Variants in PHF14 observed in about 807,000 individuals in gnomAD.
PHF14 encodes PHD finger protein 14.
A neutral mutation model predicts 117.9 loss-of-function variants in PHF14; 55 were observed. The observed-to-expected ratio is 0.47, with a 90% CI of 0.38 to 0.58. The LOEUF is 0.58. PHF14 is among the 20% of genes least tolerant of loss of function. PHF14 has a pLI of 0.00. For synonymous variants in PHF14, 409 were observed against 368.6 expected (o/e 1.11, Z -1.26); for missense variants, 978 against 1,122.2 (o/e 0.87, Z 1.84).
intron 4 of PHF14, among the ~76,000 whole-genome samples, chr7:10,994,574 C>G (rs1782566740): frequency 6.6e-6 from 1 of 152,116 alleles, no homozygotes; most frequent in African/African-American, 2.4e-5. Flanking sequence ...TGGGGTCTTG[C>G]AGATTCCGGT....
At chr7:11,146,951 A>C (rs548876215) in intron 17 of PHF14, among the ~76,000 whole-genome samples, 138 of 151,960 alleles carry the variant, frequency 9.1e-4, no homozygotes, top group African/African-American at 3.1e-3. Context: ...GGCTCAAGCA[A>C]CTCTCCCTTC....
At chr7:10,996,468 C>G (rs1329155770) in intron 4 of PHF14, among the ~76,000 whole-genome samples, 1 of 150,848 alleles carries the variant, frequency 6.6e-6, no homozygotes, top group Admixed American at 6.6e-5. Flanking sequence ...GGTGATGACC[C>G]AGAGAAAACT....
At chr7:11,096,325 T>C (rs967730021) in intron 16 of PHF14, among the ~76,000 whole-genome samples, 2 of 152,200 alleles carry the variant, frequency 1.3e-5, no homozygotes, top group Non-Finnish European at 2.9e-5. Context: ...TATCCTAAAG[T>C]TTTTGAATGC....
intron 17 of PHF14, among the ~76,000 whole-genome samples, chr7:11,151,645 T>A (rs901965777): frequency 3.3e-5 from 5 of 152,172 alleles, no homozygotes; most frequent in Admixed American, 2.0e-4. Flanking sequence ...TTAATAGTAT[T>A]CTGAGATTTT....
chr7:11,169,017 A>G (rs1372806628), intron 17 of PHF14, among the ~76,000 whole-genome samples: 3 of 151,776 alleles, frequency 2.0e-5, no homozygotes, highest in Non-Finnish European at 2.9e-5. Flanking sequence ...AAATTGGCAC[A>G]CCTGTCAAGA....
intron 16 of PHF14, among the ~76,000 whole-genome samples, chr7:11,099,751 T>G (rs1787017287): frequency 1.3e-5 from 2 of 152,130 alleles, no homozygotes; most frequent in African/African-American, 4.8e-5. Context: ...GACATTAACT[T>G]CATTTTTTCT....
At chr7:11,105,905 T>G in intron 16 of PHF14, 2 of 982,058 alleles carry the variant, frequency 2.0e-6, no homozygotes, top group Non-Finnish European at 2.4e-6. Context: ...CACTATTGAT[T>G]AGAGCATAAT....
At chr7:10,990,473 G>A (rs999342068) in intron 3 of PHF14, among the ~76,000 whole-genome samples, 1 of 152,124 alleles carries the variant, frequency 6.6e-6, no homozygotes, top group African/African-American at 2.4e-5. Flanking sequence ...TACGAAGCTT[G>A]CAGAGAAGTG....
At chr7:11,099,498 A>C (rs1033775238) in intron 16 of PHF14, among the ~76,000 whole-genome samples, 4 of 152,054 alleles carry the variant, frequency 2.6e-5, no homozygotes, top group African/African-American at 9.7e-5. Context: ...AATTTCAAGC[A>C]CCTACAGCAG....
At chr7:10,991,759 A>ATTTTTTTTTTTTTT (rs71023881) in intron 4 of PHF14, among the ~76,000 whole-genome samples, 1 of 111,044 alleles carries the variant, frequency 9.0e-6, no homozygotes, top group Non-Finnish European at 1.7e-5. Flanking sequence ...TAATTTTTTA[A>ATTTTTTTTTTTTTT]TTTTTTTTTT....
intron 14 of PHF14, among the ~76,000 whole-genome samples, chr7:11,052,153 A>G (rs925717149): frequency 6.6e-6 from 1 of 152,154 alleles, no homozygotes; most frequent in African/African-American, 2.4e-5. Flanking sequence ...TTCTTTATAG[A>G]AGAGATTTAC....
In PHF14 at chr7:10,995,716, C is replaced by T. The variant is rs188958923; in HGVS notation, c.1045+4869C>T. Among the ~76,000 whole-genome samples the T allele has an allele frequency of 5.5e-3, 832 of 152,302 alleles. 32 individuals carry two copies. The highest frequency in any genetic ancestry group is 0.049 in the Admixed American group (756 of 15,306). ...GCCCCGCAGGGAGGCAGCTGAGGCCCGGCGAGAATTTGAGAGCAGCGCCGG... is the reference window on the plus strand; with the variant it reads ...GCCCCGCAGGGAGGCAGCTGAGGCCTGGCGAGAATTTGAGAGCAGCGCCGG... On this transcript the variant is annotated intron_variant, in intron 4 of 17. Coordinates refer to ENST00000634607, the MANE Select transcript of PHF14 (RefSeq NM_001007157.2).
intron 4 of PHF14, among the ~76,000 whole-genome samples, chr7:10,996,594 GA>G (rs551296037): frequency 1.4e-5 from 2 of 146,278 alleles, no homozygotes; most frequent in African/African-American, 2.5e-5. Context: ...AGAGGTTATT[GA>G]AAAAAAAAAC....
At chr7:10,989,393 G>T (rs921950391) in intron 3 of PHF14, among the ~76,000 whole-genome samples, 1 of 151,976 alleles carries the variant, frequency 6.6e-6, no homozygotes, top group African/African-American at 2.4e-5. Context: ...ATTGTGTATT[G>T]TATGAAACTA....
intron 17 of PHF14, among the ~76,000 whole-genome samples, chr7:11,120,970 T>C (rs891326208): frequency 6.6e-6 from 1 of 152,126 alleles, no homozygotes; most frequent in African/African-American, 2.4e-5. Context: ...TTTTTCTTTG[T>C]CAAGGTCATT....
chr7:11,051,244 T>G (rs893030626), intron 13 of PHF14, among the ~76,000 whole-genome samples: 9 of 151,980 alleles, frequency 5.9e-5, no homozygotes, highest in African/African-American at 1.9e-4. Context: ...TCTCTCACTA[T>G]GTTGTGAGCA....
intron 17 of PHF14, among the ~76,000 whole-genome samples, chr7:11,148,112 A>G (rs888256291): frequency 6.6e-6 from 1 of 152,198 alleles, no homozygotes; most frequent in Non-Finnish European, 1.5e-5. Flanking sequence ...CCAAGTTACC[A>G]TCATTCCTGA....
intron 16 of PHF14, chr7:11,106,507 T>C: frequency 1.0e-6 from 1 of 959,522 alleles, no homozygotes. Flanking sequence ...TGATACTAAA[T>C]GTTATTCCGT....
chr7:11,116,544 C>T (rs944396105), intron 17 of PHF14, among the ~76,000 whole-genome samples: 40 of 151,964 alleles, frequency 2.6e-4, no homozygotes, highest in African/African-American at 8.7e-4. Context: ...AGAAAACTGG[C>T]TCCCATTTTC....
Sources: gnomAD v4.1 joint callset for allele counts (sites outside exome capture counted in the v4.1 genomes callset) on GRCh38, gnomAD v4.1.1 for gene constraint, MANE v1.5 for transcripts, NCBI Gene and HGNC (gene_info 2026-07-23, HGNC 2026-07-21) for gene names.